SOX6: variants seen among roughly 807,000 people sequenced by gnomAD.
SOX6 encodes the protein transcription factor SOX-6.
Under a neutral mutation model 97.8 loss-of-function variants are expected in SOX6, and 11 were observed. That is an observed-to-expected ratio of 0.11 (90% CI 0.07 to 0.19). SOX6 has a LOEUF of 0.19. Ranked by LOEUF, SOX6 falls within the 10% of genes least tolerant of loss-of-function variation. SOX6 has a pLI of 1.00. For synonymous variants in SOX6, 360 were observed against 371.4 expected (o/e 0.97, Z 0.35); for missense variants, 810 against 1,039.5 (o/e 0.78, Z 3.04).
chr11:16,660,195 G>A (rs538375426), intron 3 of SOX6, among the ~76,000 whole-genome samples: 13 of 152,096 alleles, frequency 8.5e-5, no homozygotes, highest in African/African-American at 2.9e-4. Context: ...GTTTCCTAAG[G>A]TGGAAATTCA....
intron 4 of SOX6, among the ~76,000 whole-genome samples, chr11:16,566,451 T>C (rs1466659786): frequency 1.3e-5 from 2 of 152,234 alleles, no homozygotes; most frequent in Admixed American, 6.5e-5. Flanking sequence ...AGTATTGAAA[T>C]TTGGTCAGCC....
intron 3 of SOX6, chr11:16,316,300 T>A (rs1855757169): frequency 6.6e-6 from 1 of 151,830 alleles, no homozygotes; most frequent in Non-Finnish European, 1.5e-5. Context: ...ATCCGTTATA[T>A]TCACTGTTCC....
In SOX6 at chr11:16,419,383, T is replaced by TA. The variant is rs1420848367; in HGVS notation, c.-5+56931dup. 2.6e-5 allele frequency among the ~76,000 whole-genome samples: 4 copies of TA among 152,222 alleles called. No individual in the cohort carries two copies. In the East Asian group the frequency reaches 5.8e-4, roughly 22 times the overall value. On this transcript the variant is annotated intron_variant, in intron 1 of 15. Transcript: ENST00000396356. Reference sequence around the variant, plus strand: ...TTATATGCTTTTCCATATAAACTAGTAAAAAAATCATATTTCTTTCTCCTT... The same window carrying TA: ...TTATATGCTTTTCCATATAAACTAGTAAAAAAAATCATATTTCTTTCTCCTT...
At chr11:16,700,904 T>C (rs888314866) in intron 3 of SOX6, among the ~76,000 whole-genome samples, 2 of 152,180 alleles carry the variant, frequency 1.3e-5, no homozygotes, top group African/African-American at 2.4e-5. Context: ...CTGAGTTGAA[T>C]TGTTTCCTGC....
At chr11:16,165,444 T>C (rs1247557905) in intron 6 of SOX6, among the ~76,000 whole-genome samples, 3 of 152,112 alleles carry the variant, frequency 2.0e-5, no homozygotes, top group Non-Finnish European at 4.4e-5. Flanking sequence ...TAACATAATA[T>C]ACATAAGAAT....
At chr11:16,532,980 T>C (rs1414312746) in intron 4 of SOX6, among the ~76,000 whole-genome samples, 1 of 151,870 alleles carries the variant, frequency 6.6e-6, no homozygotes, top group Non-Finnish European at 1.5e-5. Context: ...GAGAAGAGAA[T>C]GTTTCATCAT....
chr11:16,578,170 A>G (rs1228772895), intron 4 of SOX6, among the ~76,000 whole-genome samples: 3 of 152,084 alleles, frequency 2.0e-5, no homozygotes, highest in African/African-American at 7.2e-5. Context: ...TTTTGAAAAG[A>G]CTATTATTTT....
intron 3 of SOX6, among the ~76,000 whole-genome samples, chr11:16,683,395 C>G (rs1251103680): frequency 6.6e-6 from 1 of 151,902 alleles, no homozygotes; most frequent in Non-Finnish European, 1.5e-5. Context: ...ATATATAGAC[C>G]AATAGAACAG....
chr11:16,682,156 C>CA (rs1489918308), intron 3 of SOX6, among the ~76,000 whole-genome samples: 1 of 152,012 alleles, frequency 6.6e-6, no homozygotes, highest in African/African-American at 2.4e-5. Flanking sequence ...AGAGACACAA[C>CA]AAAAAAAGAA....
At chr11:16,622,347 CTG>C (rs1848556790) in intron 3 of SOX6, among the ~76,000 whole-genome samples, 1 of 152,124 alleles carries the variant, frequency 6.6e-6, no homozygotes, top group Non-Finnish European at 1.5e-5. Context: ...GTGGTGATTT[CTG>C]AGATTTGGGT....
At chr11:16,407,742 T>A (rs1858717020) in intron 1 of SOX6, among the ~76,000 whole-genome samples, 1 of 152,032 alleles carries the variant, frequency 6.6e-6, no homozygotes, top group South Asian at 2.1e-4. Flanking sequence ...GCCCTGACAA[T>A]GAGGTTGCCA....
At chr11:16,540,389 C>T (rs1388393247) in intron 4 of SOX6, among the ~76,000 whole-genome samples, 2 of 152,028 alleles carry the variant, frequency 1.3e-5, no homozygotes, top group African/African-American at 4.8e-5. Flanking sequence ...AAACTGGAAG[C>T]ATTCCCTTTG....
intron 3 of SOX6, among the ~76,000 whole-genome samples, chr11:16,664,195 C>T (rs6486310): frequency 0.87 from 132,516 of 152,272 alleles, 57,875 homozygotes; most frequent in African/African-American, 0.94. Context: ...AACAACTATC[C>T]ACATGCAAAA....
chr11:16,375,866 G>T (rs1857628577), intron 1 of SOX6, among the ~76,000 whole-genome samples: 2 of 152,116 alleles, frequency 1.3e-5, no homozygotes, highest in African/African-American at 2.4e-5. Flanking sequence ...AAAAGGATGA[G>T]TTCATGTCCT....
At chr11:16,310,241 AGAAGGTCTGGAGTTCAC>A in intron 3 of SOX6, among the ~76,000 whole-genome samples, 1 of 152,258 alleles carries the variant, frequency 6.6e-6, no homozygotes, top group Non-Finnish European at 1.5e-5. Flanking sequence ...AGAGTTGCCC[AGAAGGTCTGGAGTTCAC>A]AGAATTCTGG....
At chr11:16,331,383 A>G (rs1227543346) in intron 2 of SOX6, among the ~76,000 whole-genome samples, 1 of 152,168 alleles carries the variant, frequency 6.6e-6, no homozygotes, top group Non-Finnish European at 1.5e-5. Context: ...CAGTTTGCCT[A>G]AAGAAGAGAG....
intron 13 of SOX6, among the ~76,000 whole-genome samples, chr11:16,013,646 C>T (rs1410327774): frequency 1.3e-5 from 2 of 151,784 alleles, no homozygotes; most frequent in African/African-American, 2.4e-5. Context: ...TCCCTCCCTC[C>T]CTCTTTACTC....
At chr11:16,217,269 A>G (rs1676160364) in intron 4 of SOX6, among the ~76,000 whole-genome samples, 1 of 152,154 alleles carries the variant, frequency 6.6e-6, no homozygotes, top group African/African-American at 2.4e-5. Context: ...CTGTCTCTTG[A>G]CATCCTGCAA....
intron 1 of SOX6, among the ~76,000 whole-genome samples, chr11:16,440,487 T>C (rs1219673997): frequency 6.6e-6 from 1 of 152,172 alleles, no homozygotes. Flanking sequence ...GAAACAACTA[T>C]CTTCATTTCA....
Sources: allele counts gnomAD v4.1 joint callset (sites outside exome capture counted in the v4.1 genomes callset), GRCh38; gene constraint gnomAD v4.1.1; transcripts MANE v1.5; gene names NCBI Gene and HGNC (gene_info 2026-07-23, HGNC 2026-07-21).